The following SGCZ variants were observed in gnomAD, a reference collection of about 807,000 sequenced individuals.
SGCZ encodes the protein sarcoglycan zeta.
SGCZ carries 40 observed loss-of-function variants against 41.3 expected under a neutral mutation model. The ratio of observed to expected loss-of-function variants is 0.97; its 90% confidence interval spans 0.75 to 1.26. The LOEUF (loss-of-function observed/expected upper bound fraction) is 1.26. SGCZ is among the 50% of genes most tolerant of loss of function. The pLI, the probability that SGCZ is intolerant of heterozygous loss-of-function variation, is 0.00. For missense variants in SGCZ, 552 were observed against 369.8 expected (o/e 1.49, Z -4.04); for synonymous variants, 206 against 137.5 (o/e 1.50, Z -3.49).
Position 14,090,599 on chromosome 8 carries a change from T to C in SGCZ, c.783A>G (p.Leu261=), listed in dbSNP as rs760135341. The part of the protein sequence containing the change: ...LNAETIKLGN[L]PTGSFSSSSP... ...AAGAAGATGAGAAGGAGCCAGTTGG[T>C]AGATTTCCCAGCTTGATTGTCTCTG... The change falls in exon 8 of 8, where the codon CTA becomes CTG. Residue 261 remains leucine (L), a synonymous_variant. Transcript: ENST00000382080. 5 of 1,612,532 alleles carry C rather than the reference T, an allele frequency of 3.1e-6. No individual in the cohort carries two copies. The highest frequency in any genetic ancestry group is 4.2e-6 in the Non-Finnish European group (5 of 1,179,288).
At chr8:14,901,284 A>C (rs771714227) in intron 1 of SGCZ, among the ~76,000 whole-genome samples, 34 of 152,304 alleles carry the variant, frequency 2.2e-4, no homozygotes, top group Middle Eastern at 3.4e-3. Flanking sequence ...TGGTAACCAC[A>C]GTTTTATTAT....
chr8:15,032,873 T>A (rs2130961668), intron 1 of SGCZ, among the ~76,000 whole-genome samples: 1 of 152,116 alleles, frequency 6.6e-6, no homozygotes. Flanking sequence ...CCTACTCAGT[T>A]CCAAGCTGTC....
intron 3 of SGCZ, among the ~76,000 whole-genome samples, chr8:14,241,216 G>T (rs999605822): frequency 6.6e-6 from 1 of 151,754 alleles, no homozygotes; most frequent in Non-Finnish European, 1.5e-5. Context: ...CCAAAATTTT[G>T]AAAGCGAATA....
intron 1 of SGCZ, among the ~76,000 whole-genome samples, chr8:14,994,972 T>C (rs908333982): frequency 2.6e-5 from 4 of 152,192 alleles, no homozygotes; most frequent in Admixed American, 2.0e-4. Flanking sequence ...TCCCCTAATA[T>C]TATGTGTTGT....
intron 1 of SGCZ, among the ~76,000 whole-genome samples, chr8:15,157,047 A>G (rs1292679790): frequency 6.6e-6 from 1 of 152,194 alleles, no homozygotes; most frequent in Non-Finnish European, 1.5e-5. Flanking sequence ...CTTTCATGAA[A>G]AAAACATGAA....
chr8:14,309,303 A>G (rs1801448756), intron 3 of SGCZ: 1 of 1,587,456 alleles, frequency 6.3e-7, no homozygotes, highest in Non-Finnish European at 8.6e-7. Flanking sequence ...TCACTTTTTA[A>G]GGATGGTATT....
intron 2 of SGCZ, among the ~76,000 whole-genome samples, chr8:14,325,747 C>CACACATATATATATATAT: frequency 1.4e-5 from 1 of 69,460 alleles, no homozygotes; most frequent in African/African-American, 4.5e-5. Context: ...CACACACACA[C>CACACATATATATATATAT]ATATATATAT....
At chr8:14,158,984 G>C (rs1803961208) in intron 5 of SGCZ, among the ~76,000 whole-genome samples, 1 of 152,162 alleles carries the variant, frequency 6.6e-6, no homozygotes, top group African/African-American at 2.4e-5. Context: ...GGCCAGGCTG[G>C]TCTCAAACTT....
At chr8:14,702,915 A>AG (rs1389911940) in intron 1 of SGCZ, among the ~76,000 whole-genome samples, 4 of 142,008 alleles carry the variant, frequency 2.8e-5, no homozygotes, top group South Asian at 2.4e-4. Flanking sequence ...ACAGGTAGGT[A>AG]GTTAGGTAGG....
At chr8:14,828,199 C>G (rs1802404204) in intron 1 of SGCZ, among the ~76,000 whole-genome samples, 1 of 151,916 alleles carries the variant, frequency 6.6e-6, no homozygotes, top group African/African-American at 2.4e-5. Context: ...GAGCAATGCC[C>G]CAAAGAAATG....
chr8:14,969,198 A>G (rs2130862056), intron 1 of SGCZ, among the ~76,000 whole-genome samples: 1 of 152,258 alleles, frequency 6.6e-6, no homozygotes, highest in African/African-American at 2.4e-5. Flanking sequence ...TATGTCACCT[A>G]CAATTTTCAT....
intron 1 of SGCZ, among the ~76,000 whole-genome samples, chr8:14,571,054 G>A (rs934034337): frequency 1.6e-4 from 25 of 152,144 alleles, no homozygotes; most frequent in African/African-American, 5.8e-4. Context: ...ACCTGAGACT[G>A]GGTTTATAAA....
intron 1 of SGCZ, among the ~76,000 whole-genome samples, chr8:15,176,591 A>T (rs1392967265): frequency 6.6e-6 from 1 of 152,216 alleles, no homozygotes. Context: ...TTATGATCAA[A>T]CTCACCTTAC....
chr8:15,024,241 C>G (rs895889486), intron 1 of SGCZ, among the ~76,000 whole-genome samples: 2 of 151,964 alleles, frequency 1.3e-5, no homozygotes. Flanking sequence ...TTTGATGTTG[C>G]TAAATATGAT....
chr8:14,372,928 C>A (rs2117166682), intron 2 of SGCZ, among the ~76,000 whole-genome samples: 1 of 152,124 alleles, frequency 6.6e-6, no homozygotes, highest in South Asian at 2.1e-4. Context: ...AATAAAAAGC[C>A]ACTGTAAGAT....
chr8:14,244,723 G>T (rs1460556961), intron 3 of SGCZ, among the ~76,000 whole-genome samples: 3 of 152,070 alleles, frequency 2.0e-5, no homozygotes, highest in Middle Eastern at 6.8e-3. Context: ...TCCTACCCAT[G>T]AGCATGGAAT....
intron 1 of SGCZ, among the ~76,000 whole-genome samples, chr8:15,203,407 A>G (rs1196269626): frequency 1.3e-5 from 2 of 152,134 alleles, no homozygotes; most frequent in African/African-American, 2.4e-5. Flanking sequence ...CCGTGAGGCC[A>G]CTGCAGTTTC....
chr8:14,129,345 C>CA (rs534660638), intron 5 of SGCZ, among the ~76,000 whole-genome samples: 5,640 of 44,066 alleles, frequency 0.13, 1,391 homozygotes, highest in Non-Finnish European at 0.16. Flanking sequence ...GACTCCGTCT[C>CA]AAAAAAAAAA....
intron 1 of SGCZ, among the ~76,000 whole-genome samples, chr8:14,606,324 G>C (rs903460478): frequency 6.8e-6 from 1 of 146,656 alleles, no homozygotes; most frequent in Non-Finnish European, 1.5e-5. Flanking sequence ...CTCCTTATTT[G>C]GTTCCTAAAC....
Sources: gnomAD v4.1 joint callset for allele counts (sites outside exome capture counted in the v4.1 genomes callset) on GRCh38, gnomAD v4.1.1 for gene constraint, MANE v1.5 for transcripts, NCBI Gene and HGNC (gene_info 2026-07-23, HGNC 2026-07-21) for gene names.